Variants in CPNE4 observed in about 807,000 individuals in gnomAD.
CPNE4 encodes the protein copine 4, also known as copine-4.
CPNE4 carries 25 observed loss-of-function variants against 67.9 expected under a neutral mutation model. The ratio of observed to expected loss-of-function variants is 0.37; its 90% confidence interval spans 0.27 to 0.51. The LOEUF (loss-of-function observed/expected upper bound fraction) is 0.51, where lower values mean the gene tolerates loss of function less well. Among genes scored for constraint, CPNE4 ranks in the 20% least tolerant of loss-of-function variants. The probability of loss-of-function intolerance (pLI) is 0.93; values close to 1 mark genes in which losing one functional copy is unlikely to be tolerated. For missense variants in CPNE4, 464 were observed against 690.8 expected, an observed-to-expected ratio of 0.67 and a Z score of 3.68; for synonymous variants, 242 against 244.9, an observed-to-expected ratio of 0.99 and a Z score of 0.11.
intron 2 of CPNE4, among the ~76,000 whole-genome samples, chr3:131,833,674 G>T (rs1173992691): frequency 1.1e-4 from 16 of 152,194 alleles, no homozygotes; most frequent in Non-Finnish European, 2.2e-4. Flanking sequence ...ACTCAACTCT[G>T]GGTGATGGAG....
intron 10 of CPNE4, among the ~76,000 whole-genome samples, chr3:131,569,611 C>CA (rs1937227970): frequency 6.7e-6 from 1 of 149,192 alleles, no homozygotes; most frequent in Non-Finnish European, 1.5e-5. Flanking sequence ...GCACTGCACT[C>CA]CGGGAAACAG....
chr3:131,945,139 T>C (rs2071513355), intron 1 of CPNE4, among the ~76,000 whole-genome samples: 1 of 152,158 alleles, frequency 6.6e-6, no homozygotes, highest in Non-Finnish European at 1.5e-5. Context: ...TCATATGTGT[T>C]AACAGAAAAA....
Position 131,575,071 on chromosome 3 carries a change from T to C in CPNE4, c.927A>G (p.Thr309=). Reference sequence around the variant, plus strand: ...AGGAATCAACATGAAAACAACTTACTGTAAACTGGATTTGGCAGCCACCCA... The same window carrying C: ...AGGAATCAACATGAAAACAACTTACCGTAAACTGGATTTGGCAGCCACCCA... ...YIMGGCQIQF[T]VAIDFTASNG... is the part of the protein sequence containing the mutation. The change falls in exon 10 of 16, where the codon ACA becomes ACG. Residue 309 remains threonine, a splice_region_variant and synonymous_variant. Coordinates refer to ENST00000429747, the MANE Select transcript of CPNE4 (RefSeq NM_130808.3). 6.2e-7 allele frequency: 1 copy of C among 1,612,102 alleles called. No individual in the cohort carries two copies. The highest frequency in any genetic ancestry group is 8.5e-7 in the Non-Finnish European group (1 of 1,178,510).
intron 1 of CPNE4, among the ~76,000 whole-genome samples, chr3:131,930,535 A>C: frequency 6.6e-6 from 1 of 152,122 alleles, no homozygotes; most frequent in Non-Finnish European, 1.5e-5. Flanking sequence ...TAAATGTGAG[A>C]ATATCTAATT....
At chr3:131,876,653 A>AAAAAAAAAAAAAG (rs762079430) in intron 2 of CPNE4, among the ~76,000 whole-genome samples, 4 of 140,676 alleles carry the variant, frequency 2.8e-5, no homozygotes, top group Admixed American at 7.7e-5. Flanking sequence ...AAAAAAAAAA[A>AAAAAAAAAAAAAG]AAAGAAAGAA....
intron 9 of CPNE4, among the ~76,000 whole-genome samples, chr3:131,580,244 T>A (rs1937712129): frequency 1.3e-5 from 2 of 152,176 alleles, no homozygotes; most frequent in Non-Finnish European, 2.9e-5. Context: ...CGTACATTTT[T>A]AGACATAATG....
intron 2 of CPNE4, among the ~76,000 whole-genome samples, chr3:131,903,146 T>C (rs963961712): frequency 6.6e-6 from 1 of 152,090 alleles, no homozygotes; most frequent in African/African-American, 2.4e-5. Flanking sequence ...TGGAAGACTG[T>C]CTCTTAGAGG....
chr3:131,621,705 A>G (rs924777980), intron 7 of CPNE4, among the ~76,000 whole-genome samples: 3 of 152,134 alleles, frequency 2.0e-5, no homozygotes, highest in African/African-American at 4.8e-5. Flanking sequence ...CCTAAAAATT[A>G]TGCCATTAAA....
intron 2 of CPNE4, among the ~76,000 whole-genome samples, chr3:131,744,957 C>A (rs2082452908): frequency 1.3e-5 from 2 of 152,118 alleles, no homozygotes; most frequent in African/African-American, 2.4e-5. Flanking sequence ...CCCAAGTGTG[C>A]AATTGCTGAG....
chr3:131,969,614 A>G (rs375589988), intron 1 of CPNE4, among the ~76,000 whole-genome samples: 3 of 152,240 alleles, frequency 2.0e-5, no homozygotes, highest in Admixed American at 2.0e-4. Context: ...CTCTCAACAC[A>G]GTGGAGACTC....
intron 8 of CPNE4, among the ~76,000 whole-genome samples, chr3:131,583,841 G>A (rs111323752): frequency 6.6e-6 from 1 of 152,250 alleles, no homozygotes; most frequent in African/African-American, 2.4e-5. Flanking sequence ...TTTGACAGAT[G>A]GAAGATGAGG....
intron 1 of CPNE4, among the ~76,000 whole-genome samples, chr3:131,942,058 A>G (rs1015460230): frequency 2.0e-5 from 3 of 152,094 alleles, no homozygotes; most frequent in African/African-American, 7.2e-5. Context: ...AAAAAACTAT[A>G]GTTAAAAAAA....
chr3:131,947,260 G>A (rs1316006942), intron 1 of CPNE4, among the ~76,000 whole-genome samples: 1 of 152,086 alleles, frequency 6.6e-6, no homozygotes, highest in Non-Finnish European at 1.5e-5. Context: ...GGAAACATGT[G>A]CAGAACATGC....
chr3:131,836,584 G>T (rs2108008139), intron 2 of CPNE4, among the ~76,000 whole-genome samples: 1 of 152,256 alleles, frequency 6.6e-6, no homozygotes, highest in South Asian at 2.1e-4. Flanking sequence ...TTCTTTTCAA[G>T]ATAGCACAGT....
intron 3 of CPNE4, among the ~76,000 whole-genome samples, chr3:131,721,799 G>T (rs567885632): frequency 2.4e-4 from 37 of 152,256 alleles, no homozygotes; most frequent in South Asian, 1.7e-3. Context: ...TATAAAAGAT[G>T]CCATTTTAAT....
In CPNE4 at chr3:131,656,728, A is replaced by G. The variant is rs192078373; in HGVS notation, c.681+12947T>C. On this transcript the variant is annotated intron_variant, in intron 7 of 15. Coordinates refer to ENST00000429747, the MANE Select transcript of CPNE4 (RefSeq NM_130808.3). ...ACTCAAACTATAAACATGTAAACAA[A>G]TAAACAACGTAATCACAGATGGTGG... 1.3e-5 allele frequency among the ~76,000 whole-genome samples: 2 copies of G among 152,344 alleles called. 1 individual carries two copies. The highest frequency in any genetic ancestry group is 1.3e-4 in the Admixed American group (2 of 15,310).
At chr3:131,955,314 CTTAG>C (rs1327773937) in intron 1 of CPNE4, among the ~76,000 whole-genome samples, 2 of 146,712 alleles carry the variant, frequency 1.4e-5, no homozygotes, top group Non-Finnish European at 3.0e-5. Flanking sequence ...CCCTTTCTTT[CTTAG>C]TTGGTTAAGA....
chr3:131,872,206 A>G (rs2087245683), intron 2 of CPNE4, among the ~76,000 whole-genome samples: 1 of 151,670 alleles, frequency 6.6e-6, no homozygotes, highest in Admixed American at 6.6e-5. Flanking sequence ...AGAGAGAGAG[A>G]GAGAAACAGA....
At chr3:131,978,089 ATATATATATAAATATATATAAAAT>A (rs2072726768) in intron 1 of CPNE4, among the ~76,000 whole-genome samples, 8 of 30,576 alleles carry the variant, frequency 2.6e-4, no homozygotes, top group African/African-American at 2.0e-3. Context: ...ATATATATAA[ATATATATATAAATATATATAAAAT>A]ATATATAAAT....
Sources: allele counts gnomAD v4.1 joint callset (sites outside exome capture counted in the v4.1 genomes callset), GRCh38; gene constraint gnomAD v4.1.1; transcripts MANE v1.5; gene names NCBI Gene and HGNC (gene_info 2026-07-23, HGNC 2026-07-21).